Variants in FAM81A observed in about 807,000 individuals in gnomAD.
FAM81A encodes the protein protein FAM81A.
In FAM81A, 19 loss-of-function variants were observed where a neutral mutation model predicts 46.7. The observed-to-expected ratio is 0.41, with a 90% CI of 0.28 to 0.60. The LOEUF is 0.60. FAM81A is among the 20% of genes least tolerant of loss of function. FAM81A has a pLI of 0.34. For synonymous variants in FAM81A, 183 were observed against 152.9 expected (o/e 1.20, Z -1.45); for missense variants, 377 against 453.5 (o/e 0.83, Z 1.53).
chr15:59,449,377 A>G (rs569163011), intron 1 of FAM81A, among the ~76,000 whole-genome samples: 1 of 152,258 alleles, frequency 6.6e-6, no homozygotes, highest in East Asian at 1.9e-4. Context: ...ATTCCTCTCT[A>G]TTTCTCACTT....
intron 1 of FAM81A, among the ~76,000 whole-genome samples, chr15:59,455,271 C>G (rs1361182764): frequency 6.6e-6 from 1 of 151,930 alleles, no homozygotes; most frequent in Non-Finnish European, 1.5e-5. Flanking sequence ...CCAACTTCCC[C>G]CAATTTTAAA....
chr15:59,399,511 G>A (rs2081061375), intron 1 of FAM81A, among the ~76,000 whole-genome samples: 1 of 152,074 alleles, frequency 6.6e-6, no homozygotes, highest in African/African-American at 2.4e-5. Context: ...CCTCCAGAAA[G>A]ATATGGTATC....
intron 3 of FAM81A, among the ~76,000 whole-genome samples, chr15:59,465,197 G>A (rs1031222772): frequency 6.6e-6 from 1 of 152,148 alleles, no homozygotes; most frequent in Non-Finnish European, 1.5e-5. Flanking sequence ...CCAGTACCAT[G>A]CTGTTTTGGT....
chr15:59,453,809 G>A (rs150297851), intron 1 of FAM81A, among the ~76,000 whole-genome samples: 1 of 152,122 alleles, frequency 6.6e-6, no homozygotes, highest in African/African-American at 2.4e-5. Context: ...AGGGAGGGAG[G>A]CAAGAGGAGA....
At chr15:59,442,854 T>C (rs2081315340) in intron 1 of FAM81A, among the ~76,000 whole-genome samples, 1 of 152,144 alleles carries the variant, frequency 6.6e-6, no homozygotes, top group Admixed American at 6.5e-5. Flanking sequence ...CAAGTGCATA[T>C]GTTGTCATTT....
At chr15:59,428,473 C>A (rs1444031334) in intron 2 of FAM81A, among the ~76,000 whole-genome samples, 1 of 149,514 alleles carries the variant, frequency 6.7e-6, no homozygotes, top group Non-Finnish European at 1.5e-5. Context: ...CAGAGTCTTA[C>A]TATGTTGCCC....
At position 59,470,752 on chromosome 15, in the gene FAM81A, G is replaced by T. The variant is rs560336929; in HGVS notation, c.294+10546G>T. 3.9e-5 allele frequency among the ~76,000 whole-genome samples: 6 copies of T among 152,116 alleles called. 1 individual carries two copies. In the South Asian group the frequency reaches 1.2e-3, roughly 32 times the overall value. On this transcript the variant is annotated intron_variant, in intron 3 of 8. Coordinates refer to ENST00000288228, the MANE Select transcript of FAM81A (RefSeq NM_152450.3). ...CCATCCAGCTTTGTTGAAATCACCCGTCTTCTGCATTGATCATGCTGGGAG... is the reference window on the plus strand; with the variant it reads ...CCATCCAGCTTTGTTGAAATCACCCTTCTTCTGCATTGATCATGCTGGGAG...
chr15:59,428,445 A>C (rs200859001), intron 2 of FAM81A, among the ~76,000 whole-genome samples: 1 of 113,016 alleles, frequency 8.8e-6, no homozygotes, highest in Non-Finnish European at 1.7e-5. Flanking sequence ...TATTATTATT[A>C]TTATTATTAT....
chr15:59,498,531 C>A (rs189415918), intron 4 of FAM81A, among the ~76,000 whole-genome samples: 223 of 152,290 alleles, frequency 1.5e-3, no homozygotes, highest in South Asian at 4.6e-3. Context: ...TGCCTAATTG[C>A]CCTGACTAGA....
At chr15:59,454,153 A>G (rs1596483326) in intron 1 of FAM81A, among the ~76,000 whole-genome samples, 1 of 152,304 alleles carries the variant, frequency 6.6e-6, no homozygotes, top group East Asian at 1.9e-4. Flanking sequence ...TTTTAGCTAT[A>G]AGGAAATAGG....
In FAM81A at chr15:59,460,245, C is replaced by A. The variant is rs775349087; in HGVS notation, c.294+39C>A. 6.2e-7 allele frequency: 1 copy of A among 1,613,572 alleles called. No homozygotes were observed. The highest frequency in any genetic ancestry group is 1.1e-5 in the South Asian group (1 of 90,968). On this transcript the variant is annotated intron_variant, in intron 3 of 8. Transcript: ENST00000288228. The surrounding 1 kb of genome is among the most constrained non-coding windows in gnomAD (Gnocchi z 4.4). ...AAGTCAGGTGGCCTATGTCCCTTTC[C>A]ACAGAATTGCTCCATGTCAGGAGGT...
intron 6 of FAM81A, among the ~76,000 whole-genome samples, chr15:59,514,025 A>G (rs1567078139): frequency 6.6e-6 from 1 of 151,362 alleles, no homozygotes; most frequent in Non-Finnish European, 1.5e-5. Context: ...GAGCTGAACA[A>G]TGAGAACATG....
intron 3 of FAM81A, among the ~76,000 whole-genome samples, chr15:59,474,789 C>G (rs1159709615): frequency 6.6e-6 from 1 of 152,194 alleles, no homozygotes; most frequent in Non-Finnish European, 1.5e-5. Context: ...CCTGAGGTAT[C>G]AAGGCCAGTT....
chr15:59,402,728 A>G (rs76408822), intron 2 of FAM81A, among the ~76,000 whole-genome samples: 3 of 132,678 alleles, frequency 2.3e-5, no homozygotes, highest in African/African-American at 5.5e-5. Flanking sequence ...GGTGGGGGGG[A>G]TATTTAGTAG....
chr15:59,496,371 C>T (rs1346026741), intron 4 of FAM81A, among the ~76,000 whole-genome samples: 2 of 152,196 alleles, frequency 1.3e-5, no homozygotes, highest in African/African-American at 4.8e-5. Context: ...CATTGGGAGG[C>T]CGAGGCGGGC....
chr15:59,437,354 C>T (rs1053478966), upstream of FAM81A, among the ~76,000 whole-genome samples: 15 of 151,774 alleles, frequency 9.9e-5, no homozygotes, highest in Admixed American at 6.6e-4. Flanking sequence ...AGGCAAAGGT[C>T]GTGTCCCCCG....
intron 1 of FAM81A, among the ~76,000 whole-genome samples, chr15:59,400,099 T>G (rs534949575): frequency 6.6e-6 from 1 of 152,122 alleles, no homozygotes; most frequent in Non-Finnish European, 1.5e-5. Flanking sequence ...ATTTGTGAAC[T>G]GGGAAACAGG....
intron 3 of FAM81A, among the ~76,000 whole-genome samples, chr15:59,470,198 T>A (rs1488713959): frequency 1.3e-5 from 2 of 152,196 alleles, no homozygotes; most frequent in African/African-American, 4.8e-5. Flanking sequence ...GGGTTGCTCT[T>A]CTCTAGGAGT....
chr15:59,444,016 G>A (rs1394695354), intron 1 of FAM81A: 2 of 152,366 alleles, frequency 1.3e-5, no homozygotes, highest in Non-Finnish European at 2.9e-5. Flanking sequence ...TGCTCCTCAA[G>A]TGCTTTTCCT....
Sources: allele counts gnomAD v4.1 joint callset (sites outside exome capture counted in the v4.1 genomes callset), GRCh38; gene constraint gnomAD v4.1.1; non-coding constraint Gnocchi (gnomAD v3.1); transcripts MANE v1.5; gene names NCBI Gene and HGNC (gene_info 2026-07-23, HGNC 2026-07-21).